Variants in IQGAP2 observed in about 807,000 individuals in gnomAD.
The protein encoded by IQGAP2 is ras GTPase-activating-like protein IQGAP2.
In IQGAP2, 173 loss-of-function variants were observed where a neutral mutation model predicts 201.3. That is an observed-to-expected ratio of 0.86 (90% confidence interval 0.76 to 0.98). IQGAP2 has a LOEUF of 0.98. IQGAP2 is among the 50% of genes least tolerant of loss of function. IQGAP2 has a pLI of 0.00. For synonymous variants in IQGAP2, 675 were observed against 673.9 expected (o/e 1.00, Z -0.03); for missense variants, 1,687 against 1,864.8 (o/e 0.90, Z 1.76).
intron 1 of IQGAP2, among the ~76,000 whole-genome samples, chr5:76,447,514 G>T (rs1181554402): frequency 1.3e-5 from 2 of 152,196 alleles, no homozygotes; most frequent in Non-Finnish European, 2.9e-5. Context: ...ATGGGGCATA[G>T]CCACGTCCGT....
chr5:76,612,456 T>C (rs552755447), intron 13 of IQGAP2, among the ~76,000 whole-genome samples: 1 of 151,868 alleles, frequency 6.6e-6, no homozygotes, highest in African/African-American at 2.4e-5. Flanking sequence ...GATCGCACCA[T>C]TGCACCCCCA....
intron 35 of IQGAP2, among the ~76,000 whole-genome samples, chr5:76,705,011 A>T (rs1476840114): frequency 6.6e-6 from 1 of 152,244 alleles, no homozygotes; most frequent in African/African-American, 2.4e-5. Flanking sequence ...ATTATAGGCC[A>T]TATAGGTAAC....
In IQGAP2 at chr5:76,530,913, A is replaced by G. The variant is rs1482199416; in HGVS notation, c.147-31483A>G. Reference sequence around the variant, plus strand: ...TTTGTAAAGAAAGCTGAAAAATGGCAGTCAGATTTTTACAGAACAGCCCAA... The same window carrying G: ...TTTGTAAAGAAAGCTGAAAAATGGCGGTCAGATTTTTACAGAACAGCCCAA... On this transcript the variant is annotated intron_variant, in intron 2 of 35. Coordinates refer to ENST00000274364, the MANE Select transcript of IQGAP2 (RefSeq NM_006633.5). Among the ~76,000 whole-genome samples the G allele has an allele frequency of 3.3e-5, 5 of 152,228 alleles. No homozygotes were observed. In the East Asian group the frequency reaches 9.6e-4, roughly 29 times the overall value.
intron 2 of IQGAP2, among the ~76,000 whole-genome samples, chr5:76,476,368 G>A (rs1231689598): frequency 6.6e-6 from 1 of 152,102 alleles, no homozygotes; most frequent in African/African-American, 2.4e-5. Flanking sequence ...TGGGAGAAAC[G>A]TTTATTTGGG....
intron 1 of IQGAP2, among the ~76,000 whole-genome samples, chr5:76,459,497 G>T (rs972818005): frequency 1.3e-5 from 2 of 152,134 alleles, no homozygotes; most frequent in Non-Finnish European, 2.9e-5. Context: ...TCAGAAATGG[G>T]AAAGTCTTTA....
Position 76,488,903 on chromosome 5 carries a change from G to A in IQGAP2, c.146+27234G>A, listed in dbSNP as rs563556889. ...TCATACCTTGAAAGGCCAAGCACCC[G>A]GCTGAGTTGTCCTATCCACTGTTAA... On this transcript the variant is annotated intron_variant, in intron 2 of 35. Transcript: ENST00000274364. 6.6e-5 allele frequency among the ~76,000 whole-genome samples: 10 copies of A among 152,238 alleles called. No individual in the cohort carries two copies. The East Asian group carries it at 1.2e-3, about 18-fold the overall frequency.
At chr5:76,618,556 A>G (rs1458731395) in intron 13 of IQGAP2, 2 of 1,613,920 alleles carry the variant, frequency 1.2e-6, no homozygotes, top group Non-Finnish European at 8.5e-7. Flanking sequence ...GAAAAGGGGA[A>G]CTCTTCAAAA....
intron 1 of IQGAP2, among the ~76,000 whole-genome samples, chr5:76,426,939 T>C (rs6889275): frequency 6.6e-6 from 1 of 150,896 alleles, no homozygotes; most frequent in South Asian, 2.1e-4. Flanking sequence ...TGTGTGTGAG[T>C]GTGTGCAGGA....
chr5:76,403,643 C>G lies in IQGAP2; in HGVS notation c.46+52C>G. The G allele has an allele frequency of 7.1e-7, 1 of 1,410,946 alleles. No homozygotes were observed. The highest frequency in any genetic ancestry group is 9.3e-7 in the Non-Finnish European group (1 of 1,070,942). The allele number at this position is 1,410,946 out of a possible 1,614,324, so 87.4% of individuals were successfully genotyped here. ...CTGCTGGCCTTGGGGAGCTCCCTCC[C>G]CGAGGACGGCGTTGGAGAAGCCGAG... On this transcript the variant is annotated intron_variant, in intron 1 of 35. Transcript: ENST00000274364. This position sits in a 1 kb window ranked among gnomAD's most constrained non-coding sequence, Gnocchi z 4.8.
At chr5:76,562,300 T>C in intron 2 of IQGAP2, 96 bp from the exon 3 acceptor site, 1 of 860,074 alleles carries the variant, frequency 1.2e-6, no homozygotes, top group South Asian at 1.8e-5. Context: ...CCTTCTTCCT[T>C]TGTCTCCAAC....
chr5:76,656,596 C>T (rs1210458426), intron 20 of IQGAP2, among the ~76,000 whole-genome samples: 1 of 149,966 alleles, frequency 6.7e-6, no homozygotes, highest in Non-Finnish European at 1.5e-5. Context: ...ATAAATTTTC[C>T]AAATGAACAC....
At chr5:76,413,647 G>C (rs1282221366) in intron 1 of IQGAP2, among the ~76,000 whole-genome samples, 1 of 152,154 alleles carries the variant, frequency 6.6e-6, no homozygotes, top group African/African-American at 2.4e-5. Context: ...CTTCTGTGTT[G>C]TATATTTTGC....
intron 20 of IQGAP2, among the ~76,000 whole-genome samples, chr5:76,657,936 T>A (rs1742897957): frequency 6.6e-6 from 1 of 152,178 alleles, no homozygotes; most frequent in African/African-American, 2.4e-5. Context: ...ATTCTGTTGG[T>A]TCCTGTTTGG....
chr5:76,538,928 C>T (rs533919999), intron 2 of IQGAP2, among the ~76,000 whole-genome samples: 1 of 152,294 alleles, frequency 6.6e-6, no homozygotes, highest in South Asian at 2.1e-4. Flanking sequence ...TCGTAGCCTG[C>T]TGCTTTTGTG....
At chr5:76,531,829 A>G (rs1261894491) in intron 2 of IQGAP2, among the ~76,000 whole-genome samples, 1 of 152,252 alleles carries the variant, frequency 6.6e-6, no homozygotes, top group African/African-American at 2.4e-5. Context: ...ACAAAATGTC[A>G]TAAACTGGGT....
intron 2 of IQGAP2, among the ~76,000 whole-genome samples, chr5:76,555,257 T>C (rs1195917357): frequency 1.3e-5 from 2 of 152,226 alleles, no homozygotes; most frequent in Admixed American, 1.3e-4. Context: ...CTACAAACCA[T>C]TGCATTATAC....
intron 16 of IQGAP2, among the ~76,000 whole-genome samples, chr5:76,639,217 A>G (rs1003591432): frequency 3.3e-5 from 5 of 152,214 alleles, no homozygotes; most frequent in Non-Finnish European, 5.9e-5. Context: ...TGGGGCACAG[A>G]GTAGGTGAAG....
At chr5:76,627,265 G>A in intron 13 of IQGAP2, 145 bp from the exon 14 acceptor site, 1 of 662,116 alleles carries the variant, frequency 1.5e-6, no homozygotes. Context: ...TTCATTAGGA[G>A]TGTGTACAGT....
intron 2 of IQGAP2, among the ~76,000 whole-genome samples, chr5:76,481,386 G>C (rs545047049): frequency 2.1e-5 from 3 of 145,696 alleles, no homozygotes; most frequent in Non-Finnish European, 4.6e-5. Context: ...TACAAAAAAA[G>C]TTTTTTTTTT....
Sources: gnomAD v4.1 joint callset for allele counts (sites outside exome capture counted in the v4.1 genomes callset) on GRCh38, gnomAD v4.1.1 for gene constraint, Gnocchi (gnomAD v3.1) non-coding constraint, MANE v1.5 for transcripts, NCBI Gene and HGNC (gene_info 2026-07-23, HGNC 2026-07-21) for gene names.